The following EP400 variants were observed in gnomAD, a reference collection of about 807,000 sequenced individuals.
The protein encoded by EP400 is E1A-binding protein p400.
EP400 carries 105 observed loss-of-function variants against 354.1 expected under a neutral mutation model. The ratio of observed to expected loss-of-function variants is 0.30; its 90% CI spans 0.25 to 0.35. The LOEUF (loss-of-function observed/expected upper bound fraction) is 0.35. Among genes scored for constraint, EP400 ranks in the 10% least tolerant of loss-of-function variants. The pLI is 1.00. For missense variants in EP400, 3,280 were observed against 4,121.0 expected (o/e 0.80, Z 5.59); for synonymous variants, 1,646 against 1,716.9 (o/e 0.96, Z 1.02).
rs922015361 is a variant in EP400, at chr12:132,069,342, A to AG, written c.8875-148dup. The AG allele has an allele frequency of 1.4e-5, 15 of 1,056,744 alleles. No individual in the cohort carries two copies. The African/African-American group carries it at 2.2e-4, about 16-fold the overall frequency. 65.5% of individuals were successfully genotyped at this position (1,056,744 alleles called of 1,614,324 possible). On this transcript the variant is annotated intron_variant, in intron 50 of 52. Transcript: ENST00000389561. ...CTGGAGGCAGCGGCAGGGATGGGAC[A>AG]GGGGGCAGGAGATGTGGGTATGCAC...
chr12:132,002,180 T>A (rs1482804307), intron 12 of EP400, among the ~76,000 whole-genome samples: 2 of 152,228 alleles, frequency 1.3e-5, no homozygotes, highest in Admixed American at 1.3e-4. Flanking sequence ...TTTATTCTAA[T>A]GTCCCTATGT....
intron 51 of EP400, among the ~76,000 whole-genome samples, chr12:132,073,859 C>A (rs987406797): frequency 1.4e-5 from 2 of 142,316 alleles, no homozygotes; most frequent in Admixed American, 7.1e-5. Flanking sequence ...GTGTGTCACT[C>A]TTGTTCCTGA....
Position 131,969,838 on chromosome 12 carries a change from T to G in EP400, c.1335+7884T>G, listed in dbSNP as rs546445112. 7.2e-5 allele frequency among the ~76,000 whole-genome samples: 11 copies of G among 152,180 alleles called. No homozygotes were observed. The East Asian group carries it at 2.1e-3, about 29-fold the overall frequency. ...GCAGAGGCGGGCAGATCACCTGAAG[T>G]CAGGAGTAAGAGACCATCCTGGCCA... is the stretch of plus-strand genomic sequence containing the variant. On this transcript the variant is annotated intron_variant, in intron 2 of 52. Transcript: ENST00000389561.
At position 132,017,583 on chromosome 12, in the gene EP400, C is replaced by A. The variant is rs138508770; in HGVS notation, c.3972C>A (p.Ile1324=). 115 of 1,613,856 alleles carry A rather than the reference C, an allele frequency of 7.1e-5. No individual in the cohort carries two copies. Among genetic ancestry groups the A allele is most frequent in the Non-Finnish European group, 9.4e-5 (111 of 1,179,936 alleles). ...GGCACTTTGTCAACGTCCTGAGCATCCTTGTGCGGCTGCAGCGCATCTGCA... is the reference window on the plus strand; with the variant it reads ...GGCACTTTGTCAACGTCCTGAGCATACTTGTGCGGCTGCAGCGCATCTGCA... ...KSGHFVNVLS[I]LVRLQRICNH... The change falls in exon 20 of 53, where the codon ATC becomes ATA. Residue 1324 remains isoleucine (I), a synonymous_variant. Coordinates refer to ENST00000389561, the MANE Select transcript of EP400 (RefSeq NM_015409.5). This position sits in a 1 kb window ranked among gnomAD's most constrained non-coding sequence, Gnocchi z 5.0.
chr12:131,952,436 C>T (rs530652416), intron 1 of EP400, among the ~76,000 whole-genome samples: 7 of 152,038 alleles, frequency 4.6e-5, no homozygotes, highest in East Asian at 1.9e-4. Flanking sequence ...TGTGAGCCAC[C>T]GCGCCCGGCC....
chr12:132,009,971 A>G (rs1234017228), intron 15 of EP400, among the ~76,000 whole-genome samples: 2 of 150,684 alleles, frequency 1.3e-5, no homozygotes, highest in African/African-American at 4.9e-5. Flanking sequence ...GCTGTGAGCC[A>G]CCGTGCCTAG....
chr12:132,040,508 G>A (rs1018896038), intron 32 of EP400, among the ~76,000 whole-genome samples: 1 of 152,204 alleles, frequency 6.6e-6, no homozygotes, highest in African/African-American at 2.4e-5. Context: ...TGGCTGTGTT[G>A]TTTCCCAGCA....
At chr12:131,969,771 C>T (rs749352902) in intron 2 of EP400, among the ~76,000 whole-genome samples, 3 of 152,154 alleles carry the variant, frequency 2.0e-5, no homozygotes, top group Non-Finnish European at 4.4e-5. Context: ...AACTCTTGGT[C>T]GGGCACGGTG....
Position 132,006,103 on chromosome 12 carries a change from T to C in EP400, c.2936-9T>C. 1 of 1,610,792 alleles carries C rather than the reference T, an allele frequency of 6.2e-7. No individual in the cohort carries two copies. The highest frequency in any genetic ancestry group is 8.5e-7 in the Non-Finnish European group (1 of 1,177,600). ...TGGCCCTCACTTCTCTGTTTTATTG[T>C]CGTTACAGATGCAGATGACTGTCCA... On this transcript the variant is annotated splice_polypyrimidine_tract_variant and intron_variant, in intron 13 of 52. Transcript: ENST00000389561.
At chr12:131,956,960 C>T (rs1210260107) in intron 1 of EP400, among the ~76,000 whole-genome samples, 3 of 151,348 alleles carry the variant, frequency 2.0e-5, no homozygotes, top group African/African-American at 4.9e-5. Context: ...CAACCTCCAC[C>T]TCCTGGGTTC....
At position 132,027,621 on chromosome 12, in the gene EP400, C is replaced by T; in HGVS notation, c.5109+90C>T. On this transcript the variant is annotated intron_variant, in intron 26 of 52. Coordinates refer to ENST00000389561, the MANE Select transcript of EP400 (RefSeq NM_015409.5). The surrounding 1 kb of genome is among the most constrained non-coding windows in gnomAD (Gnocchi z 4.9). ...TGTTTGGTTGTGATATTTAAAGGCT[C>T]CTGTGAATTCTCAAGTGATGTTACT... 9.7e-7 allele frequency: 1 copy of T among 1,034,876 alleles called. No homozygotes were observed. The highest frequency in any genetic ancestry group is 1.4e-6 in the Non-Finnish European group (1 of 718,416). 64.1% of individuals were successfully genotyped at this position (1,034,876 alleles called of 1,614,324 possible).
intron 1 of EP400, among the ~76,000 whole-genome samples, chr12:131,952,087 CT>C (rs898257726): frequency 4.0e-5 from 6 of 150,312 alleles, no homozygotes; most frequent in Admixed American, 6.6e-5. Flanking sequence ...TGCACCTGGC[CT>C]TTTTTTTTGT....
chr12:132,027,897 C>A lies in EP400; in HGVS notation c.5110-120C>A. The A allele has an allele frequency of 9.5e-7, 1 of 1,048,212 alleles. No individual in the cohort carries two copies. Among genetic ancestry groups the A allele is most frequent in the South Asian group, 1.6e-5 (1 of 62,256 alleles). 64.9% of individuals were successfully genotyped at this position (1,048,212 alleles called of 1,614,324 possible). On this transcript the variant is annotated intron_variant, in intron 26 of 52. Transcript: ENST00000389561. The surrounding 1 kb of genome is among the most constrained non-coding windows in gnomAD (Gnocchi z 4.9). ...TATCTCTATTTCCTGTAACACAAGA[C>A]CGGGGATATTGAAGTGGATCTCATA...
At chr12:132,045,289 T>C (rs759024439) in intron 37 of EP400, 30 bp from the exon 38 acceptor site, 3 of 1,611,980 alleles carry the variant, frequency 1.9e-6, no homozygotes, top group South Asian at 2.2e-5. Context: ...CCTGGTTTAC[T>C]CTCTTGCTGA....
chr12:131,966,314 TGTAGTCCC>T (rs1258430182), intron 2 of EP400, among the ~76,000 whole-genome samples: 1 of 152,124 alleles, frequency 6.6e-6, no homozygotes. Flanking sequence ...GGCTCATGCC[TGTAGTCCC>T]AGCACTTTGG....
intron 39 of EP400, among the ~76,000 whole-genome samples, chr12:132,047,163 T>C (rs1357024023): frequency 6.6e-6 from 1 of 152,268 alleles, no homozygotes; most frequent in Non-Finnish European, 1.5e-5. Flanking sequence ...AAAACACTTG[T>C]CTCAAAGCAT....
chr12:132,014,155 C>T (rs1332459750), intron 19 of EP400, among the ~76,000 whole-genome samples: 4 of 152,224 alleles, frequency 2.6e-5, no homozygotes, highest in Non-Finnish European at 4.4e-5. Context: ...TAGCTGCCCA[C>T]GTGTAGGGTG....
intron 51 of EP400, among the ~76,000 whole-genome samples, chr12:132,072,376 C>T (rs1896093993): frequency 6.6e-6 from 1 of 152,220 alleles, no homozygotes; most frequent in African/African-American, 2.4e-5. Context: ...GGTTTTCCTT[C>T]AGTCCTAAAT....
chr12:132,023,919 G>C lies in EP400; in HGVS notation c.4833G>C (p.Ala1611=), dbSNP rs751215839. The C allele has an allele frequency of 4.4e-6, 7 of 1,607,024 alleles. No homozygotes were observed. The highest frequency in any genetic ancestry group is 5.9e-6 in the Non-Finnish European group (7 of 1,177,014). The change falls in exon 24 of 53, where the codon GCG becomes GCC. Residue 1611 remains alanine (A), a synonymous_variant. Transcript: ENST00000389561. ...ACAGCCAGCTCCGGCAGCTCACAGC[G>C]GGCCAGCCGCTGCAGCTGCAAGGTA... ...LSHSQLRQLT[A]GQPLQLQGSV... is the part of the protein sequence containing the mutation.
Sources: allele counts gnomAD v4.1 joint callset (sites outside exome capture counted in the v4.1 genomes callset), GRCh38; gene constraint gnomAD v4.1.1; non-coding constraint Gnocchi (gnomAD v3.1); transcripts MANE v1.5; gene names NCBI Gene and HGNC (gene_info 2026-07-23, HGNC 2026-07-21).